Variants in DMTF1 observed in about 807,000 individuals in gnomAD.
The protein encoded by DMTF1 is cyclin D binding myb like transcription factor 1.
DMTF1 carries 39 observed loss-of-function variants against 91.1 expected under a neutral mutation model. The observed-to-expected ratio is 0.43, with a 90% CI of 0.33 to 0.56. The LOEUF is 0.56. Ranked by LOEUF, DMTF1 falls within the 20% of genes least tolerant of loss-of-function variation. DMTF1 has a pLI of 0.05. For synonymous variants in DMTF1, 338 were observed against 309.5 expected (o/e 1.09, Z -0.97); for missense variants, 750 against 914.5 (o/e 0.82, Z 2.32).
chr7:87,152,828 T>G (rs1390009735), intron 1 of DMTF1: 1 of 154,766 alleles, frequency 6.5e-6, no homozygotes, highest in Admixed American at 6.5e-5. Context: ...ACAGCGGCGA[T>G]CCGGCGGGGG....
At chr7:87,181,251 G>A in intron 8 of DMTF1, 58 bp from the exon 9 acceptor site, 1 of 790,792 alleles carries the variant, frequency 1.3e-6, no homozygotes. Context: ...GATTTTTATT[G>A]AGGTTTTTAG....
rs1359836508 is a variant in DMTF1 at position 87,179,685 on chromosome 7, C to G, written c.660C>G (p.Asp220Glu). 3 of 1,575,578 alleles carry G rather than the reference C, an allele frequency of 1.9e-6. No individual in the cohort carries two copies. Among genetic ancestry groups the G allele is most frequent in the Non-Finnish European group, 2.6e-6 (3 of 1,166,868 alleles). Residue 220 changes from aspartate (D) to glutamate (E), a missense_variant, in exon 8 of 18, where the codon GAC (aspartate) becomes GAG (glutamate). Asp to Glu is a conservative substitution (Grantham distance 45). Coordinates refer to ENST00000331242, the MANE Select transcript of DMTF1 (RefSeq NM_001142327.2). ...GAAGAGTGCTTCGCATGTATGATGA[C>G]AGAAACCATGTGGGAAAGTATGAGA... ...VYRRVLRMYD[D>E]RNHVGKYTPE...
At chr7:87,168,508 C>G (rs73206947) in intron 4 of DMTF1, among the ~76,000 whole-genome samples, 3,960 of 152,248 alleles carry the variant, frequency 0.026, 79 homozygotes, top group East Asian at 0.065. Flanking sequence ...GATCCTGTTA[C>G]GTTTTCATTG....
At chr7:87,175,361 T>A (rs916280103) in intron 7 of DMTF1, among the ~76,000 whole-genome samples, 2 of 152,172 alleles carry the variant, frequency 1.3e-5, no homozygotes, top group African/African-American at 4.8e-5. Flanking sequence ...GTCATAGTAG[T>A]CCTTACCTTT....
intron 8 of DMTF1, among the ~76,000 whole-genome samples, chr7:87,180,676 T>C (rs1184319533): frequency 6.6e-6 from 1 of 152,186 alleles, no homozygotes. Context: ...GGAGTAGTTA[T>C]GATTTGAGAG....
intron 13 of DMTF1, among the ~76,000 whole-genome samples, chr7:87,189,301 A>G (rs907092678): frequency 2.6e-5 from 4 of 152,170 alleles, no homozygotes; most frequent in African/African-American, 7.2e-5. Context: ...TAAACTAACC[A>G]TACCTCTTAT....
chr7:87,166,829 A>G (rs913057224), intron 4 of DMTF1, among the ~76,000 whole-genome samples: 12 of 151,156 alleles, frequency 7.9e-5, no homozygotes, highest in Admixed American at 7.2e-4. Context: ...TTTTTTTTCA[A>G]TTGCCCCACA....
intron 9 of DMTF1, among the ~76,000 whole-genome samples, chr7:87,181,545 T>C (rs1324235965): frequency 6.6e-6 from 1 of 152,214 alleles, no homozygotes; most frequent in East Asian, 1.9e-4. Context: ...GGTCTCCTGA[T>C]GCCATTCACC....
rs1584300867 is a variant in DMTF1, at chr7:87,170,991, G to C, written c.233-4G>C. 1.9e-6 allele frequency: 3 copies of C among 1,595,448 alleles called. No homozygotes were observed. Among genetic ancestry groups the C allele is most frequent in the Non-Finnish European group, 2.6e-6 (3 of 1,164,994 alleles). On this transcript the variant is annotated splice_region_variant and splice_polypyrimidine_tract_variant and intron_variant, in intron 4 of 17. Coordinates refer to ENST00000331242, the MANE Select transcript of DMTF1 (RefSeq NM_001142327.2). ...CTGGAGATGAACGGTTCCTTTTCTT[G>C]AAGTTTCAGAAAATGATCAGAGCTT...
intron 15 of DMTF1, 83 bp downstream of exon 15, chr7:87,193,436 T>C (rs1256377844): frequency 6.5e-6 from 9 of 1,375,974 alleles, no homozygotes; most frequent in African/African-American, 1.4e-5. Flanking sequence ...AAGGTAGTTA[T>C]CTAAACAGTT....
In DMTF1 at chr7:87,188,259, C is replaced by T; in HGVS notation, c.1369C>T (p.Pro457Ser). Residue 457 changes from proline (P) to serine (S), a missense_variant, in exon 13 of 18, where the codon CCC becomes TCC. Physicochemically the swap from Pro to Ser is moderately conservative, Grantham distance 74 (BLOSUM62 -1). Coordinates refer to ENST00000331242, the MANE Select transcript of DMTF1 (RefSeq NM_001142327.2). ...LEDNTAISSS[P>S]MAALQIPVQI... ...AGATAATACAGCCATCTCTTCTAGC[C>T]CCATGGCAGCATTGCAGATTCCAGT... is the stretch of plus-strand genomic sequence containing the variant. 1.2e-6 allele frequency: 2 copies of T among 1,613,878 alleles called. No individual in the cohort carries two copies. Among genetic ancestry groups the T allele is most frequent in the South Asian group, 2.2e-5 (2 of 91,080 alleles).
At chr7:87,167,779 A>G (rs1319010270) in intron 4 of DMTF1, among the ~76,000 whole-genome samples, 1 of 152,176 alleles carries the variant, frequency 6.6e-6, no homozygotes, top group Non-Finnish European at 1.5e-5. Flanking sequence ...TTTTTTTAAA[A>G]TCTTTCCTAA....
Position 87,193,735 on chromosome 7 carries a change from T to C in DMTF1, c.1661T>C (p.Leu554Ser). 2 of 1,596,746 alleles carry C rather than the reference T, an allele frequency of 1.3e-6. No individual in the cohort carries two copies. The highest frequency in any genetic ancestry group is 1.7e-6 in the Non-Finnish European group (2 of 1,171,970). ...IIVHALSPEH[L>S]LNTSDNVTVQ... Reference sequence around the variant, plus strand: ...TTTAATGTTTTATAGCCAGAACATTTGTTGAACACAAGTGATAATGTTACA... The same window carrying C: ...TTTAATGTTTTATAGCCAGAACATTCGTTGAACACAAGTGATAATGTTACA... The change falls in exon 16 of 18, where the codon TTG (leucine) becomes TCG (serine). Residue 554 changes from leucine (L) to serine (S), a missense_variant. Leu to Ser is a moderately radical substitution (Grantham distance 145, BLOSUM62 -2). Coordinates refer to ENST00000331242, the MANE Select transcript of DMTF1 (RefSeq NM_001142327.2).
rs1481454471 is a variant in DMTF1, at chr7:87,185,984, A to G, written c.1201+4A>G. 1.4e-5 allele frequency: 23 copies of G among 1,613,610 alleles called. No individual in the cohort carries two copies. The highest frequency in any genetic ancestry group is 1.9e-5 in the Non-Finnish European group (23 of 1,179,710). On this transcript the variant is annotated splice_donor_region_variant and intron_variant, in intron 12 of 17. Transcript: ENST00000331242. ...CATAAGGATGTTTCGTTCCCTGGTA[A>G]TGTATTACTTACTTTTTAAGCTCCT...
intron 1 of DMTF1, among the ~76,000 whole-genome samples, chr7:87,153,222 C>G (rs55971843): frequency 0.037 from 5,663 of 152,166 alleles, 129 homozygotes; most frequent in East Asian, 0.065. Context: ...AACCGTCTCT[C>G]TCAGTCTGAC....
rs111954621 is a variant in DMTF1 at position 87,164,785 on chromosome 7, A to G, written c.-8-149A>G. ...ATAAATTTGTGAAAGGCAGTTTTTG[A>G]AATCTGAACTCTCATTGCAGTTTTA... is the stretch of plus-strand genomic sequence containing the variant. On this transcript the variant is annotated intron_variant, in intron 2 of 17. Transcript: ENST00000331242. 1.1e-3 allele frequency: 470 copies of G among 409,938 alleles called. 4 individuals are homozygous for G. The highest frequency in any genetic ancestry group is 8.8e-3 in the African/African-American group (430 of 48,768). The allele number at this position is 409,938 out of a possible 1,614,324, so 25.4% of individuals were successfully genotyped here.
Position 87,185,844 on chromosome 7 carries a change from T to C in DMTF1, c.1065T>C (p.Asp355=), listed in dbSNP as rs1480828951. The change falls in exon 12 of 18, where the codon GAT becomes GAC. Residue 355 remains aspartate, a synonymous_variant. Coordinates refer to ENST00000331242, the MANE Select transcript of DMTF1 (RefSeq NM_001142327.2). The stretch of plus-strand genomic sequence containing the variant: ...GTAACTGTAGGATAGCAGAACTTGA[T>C]GTAGCTGATGAAAATGACATTAACT... The part of the protein sequence containing the change: ...INLILRIAEL[D]VADENDINWD... 3.1e-6 allele frequency: 5 copies of C among 1,613,872 alleles called. No individual in the cohort carries two copies. The South Asian group carries it at 5.5e-5, about 18-fold the overall frequency.
chr7:87,177,651 G>C (rs574477506), intron 7 of DMTF1, among the ~76,000 whole-genome samples: 3 of 152,178 alleles, frequency 2.0e-5, no homozygotes, highest in Non-Finnish European at 4.4e-5. Context: ...ATGCATGCTT[G>C]CTTGTTTAAG....
chr7:87,167,334 G>A (rs1217881348), intron 4 of DMTF1, among the ~76,000 whole-genome samples: 1 of 152,158 alleles, frequency 6.6e-6, no homozygotes, highest in Non-Finnish European at 1.5e-5. Flanking sequence ...GCACAAGACA[G>A]CATACCAACT....
Sources: allele counts gnomAD v4.1 joint callset (sites outside exome capture counted in the v4.1 genomes callset), GRCh38; gene constraint gnomAD v4.1.1; transcripts MANE v1.5; gene names NCBI Gene and HGNC (gene_info 2026-07-23, HGNC 2026-07-21).